GPC6: variants seen among roughly 807,000 people sequenced by gnomAD.
GPC6 encodes glypican 6, also known as glypican-6.
In GPC6, 14 loss-of-function variants were observed where a neutral mutation model predicts 55.2. The ratio of observed to expected loss-of-function variants is 0.25; its 90% CI spans 0.17 to 0.40. The LOEUF is 0.40. Among genes scored for constraint, GPC6 ranks in the 10% least tolerant of loss-of-function variants. The pLI is 1.00. For missense variants in GPC6, 641 were observed against 708.5 expected (o/e 0.90, Z 1.08); for synonymous variants, 278 against 259.6 (o/e 1.07, Z -0.68).
chr13:94,308,406 T>C (rs922567344), intron 6 of GPC6, among the ~76,000 whole-genome samples: 4 of 152,144 alleles, frequency 2.6e-5, no homozygotes, highest in Non-Finnish European at 5.9e-5. Flanking sequence ...GCTATAAAGG[T>C]CTCGAGAGTA....
At chr13:94,212,428 C>T (rs1890107130) in intron 4 of GPC6, among the ~76,000 whole-genome samples, 1 of 151,978 alleles carries the variant, frequency 6.6e-6, no homozygotes, top group Non-Finnish European at 1.5e-5. Context: ...TATTACATAC[C>T]ACATACAAAT....
At chr13:93,640,915 T>TG (rs1305403118) in intron 2 of GPC6, among the ~76,000 whole-genome samples, 3 of 151,238 alleles carry the variant, frequency 2.0e-5, no homozygotes, top group African/African-American at 7.3e-5. Context: ...TTCCTTTTTT[T>TG]CTCTTTCCGT....
At chr13:94,043,213 A>G (rs560636085) in intron 4 of GPC6, among the ~76,000 whole-genome samples, 1 of 151,976 alleles carries the variant, frequency 6.6e-6, no homozygotes, top group Admixed American at 6.6e-5. Flanking sequence ...GGAGAATGGT[A>G]TTAGAAACCA....
chr13:94,094,240 C>T (rs1272528944), intron 4 of GPC6, among the ~76,000 whole-genome samples: 1 of 152,036 alleles, frequency 6.6e-6, no homozygotes, highest in Non-Finnish European at 1.5e-5. Flanking sequence ...ACAGCTTTAA[C>T]AGGCTGTACA....
chr13:93,865,202 T>C (rs540553624), intron 3 of GPC6, among the ~76,000 whole-genome samples: 2 of 151,598 alleles, frequency 1.3e-5, no homozygotes, highest in Non-Finnish European at 3.0e-5. Flanking sequence ...TCCTCTCCAG[T>C]TGGAAGATAA....
At chr13:93,609,097 C>G (rs756432519) in intron 2 of GPC6, among the ~76,000 whole-genome samples, 9 of 152,216 alleles carry the variant, frequency 5.9e-5, no homozygotes, top group Non-Finnish European at 1.3e-4. Context: ...TTCAACCCCA[C>G]TCCCATCCAA....
At chr13:93,801,617 A>G (rs1886372651) in intron 2 of GPC6, among the ~76,000 whole-genome samples, 1 of 152,150 alleles carries the variant, frequency 6.6e-6, no homozygotes, top group Non-Finnish European at 1.5e-5. Context: ...TTTCCTCAGA[A>G]GAGAGAGTTT....
intron 3 of GPC6, among the ~76,000 whole-genome samples, chr13:94,008,143 C>G (rs1167302689): frequency 2.6e-5 from 4 of 152,264 alleles, no homozygotes; most frequent in Admixed American, 2.6e-4. Flanking sequence ...ATTTTCACAT[C>G]TCTCACACAT....
rs369844092 is a variant in GPC6 at position 93,544,256 on chromosome 13, G to A, written c.161-1007G>A. On this transcript the variant is annotated intron_variant, in intron 1 of 8. Transcript: ENST00000377047. ...TAGGAGCTTAAGCATTAAACTACAC[G>A]AAGAATCATGAGACAACCTATACTT... is the stretch of plus-strand genomic sequence containing the variant. 1.4e-4 allele frequency among the ~76,000 whole-genome samples: 22 copies of A among 152,148 alleles called. No individual in the cohort carries two copies. In the South Asian group the frequency reaches 3.9e-3, roughly 27 times the overall value.
chr13:93,415,215 G>A (rs1306125995), intron 1 of GPC6, among the ~76,000 whole-genome samples: 1 of 152,066 alleles, frequency 6.6e-6, no homozygotes, highest in Non-Finnish European at 1.5e-5. Context: ...TTGTTCTGAG[G>A]ATTGCGGAAG....
In GPC6 at chr13:93,884,913, T is replaced by C. The variant is rs772456423; in HGVS notation, c.711+54368T>C. On this transcript the variant is annotated intron_variant, in intron 3 of 8. Coordinates refer to ENST00000377047, the MANE Select transcript of GPC6 (RefSeq NM_005708.5). ...TTTTAGTGAAAAATTCTAGAATATT[T>C]TGCTGCTTTCCATACCTTATCACTC... 1.4e-3 allele frequency among the ~76,000 whole-genome samples: 220 copies of C among 152,066 alleles called. 1 individual carries two copies. The highest frequency in any genetic ancestry group is 1.9e-3 in the Non-Finnish European group (132 of 67,992).
chr13:93,339,614 G>A (rs905950964), intron 1 of GPC6, among the ~76,000 whole-genome samples: 1 of 152,180 alleles, frequency 6.6e-6, no homozygotes, highest in African/African-American at 2.4e-5. Context: ...GTAAGGGGTG[G>A]AATGAATTTT....
At chr13:93,319,222 G>C (rs1242321942) in intron 1 of GPC6, among the ~76,000 whole-genome samples, 2 of 152,094 alleles carry the variant, frequency 1.3e-5, no homozygotes, top group Admixed American at 1.3e-4. Flanking sequence ...GAAACCCTTT[G>C]GTTGACAAGC....
chr13:93,321,746 G>A lies in GPC6; in HGVS notation c.160+94130G>A, dbSNP rs868752534. ...TAAATAAAAGAAGTTGCATCACTAA[G>A]GCACTGCCCCAAATGCTCCATATCT... On this transcript the variant is annotated intron_variant, in intron 1 of 8. Transcript: ENST00000377047. Among the ~76,000 whole-genome samples, 114 of 152,204 alleles carry A rather than the reference G, an allele frequency of 7.5e-4. 1 individual carries two copies. Among genetic ancestry groups the A allele is most frequent in the African/African-American group, 2.7e-3 (111 of 41,516 alleles).
intron 1 of GPC6, among the ~76,000 whole-genome samples, chr13:93,233,354 A>AAAT (rs1555336290): frequency 1.9e-3 from 293 of 151,434 alleles, no homozygotes; most frequent in African/African-American, 6.1e-3. Flanking sequence ...CAAAAAAAAA[A>AAAT]AAATCAAAAT....
rs150543469 is a variant in GPC6, at chr13:93,555,614, C to T, written c.319+10193C>T. Among the ~76,000 whole-genome samples, 31 of 152,216 alleles carry T rather than the reference C, an allele frequency of 2.0e-4. No individual in the cohort carries two copies. In the East Asian group the frequency reaches 3.7e-3, roughly 18 times the overall value. ...TTAATGGAACTAATTTTAAATTCCCCGGACAAAGAGTGCCTTTACTTAGAG... is the reference window on the plus strand; with the variant it reads ...TTAATGGAACTAATTTTAAATTCCCTGGACAAAGAGTGCCTTTACTTAGAG... On this transcript the variant is annotated intron_variant, in intron 2 of 8. Coordinates refer to ENST00000377047, the MANE Select transcript of GPC6 (RefSeq NM_005708.5).
intron 2 of GPC6, among the ~76,000 whole-genome samples, chr13:93,663,195 AT>A (rs548084189): frequency 3.5e-4 from 53 of 152,072 alleles, no homozygotes; most frequent in East Asian, 2.1e-3. Flanking sequence ...ACTTATTATA[AT>A]TTTTTTTCCT....
intron 4 of GPC6, among the ~76,000 whole-genome samples, chr13:94,279,078 G>A (rs938069848): frequency 2.0e-5 from 3 of 151,906 alleles, no homozygotes; most frequent in African/African-American, 7.3e-5. Context: ...GGCTTTTTTT[G>A]GTTGGTAGGC....
chr13:93,939,397 G>A (rs996298642), intron 3 of GPC6, among the ~76,000 whole-genome samples: 10 of 150,244 alleles, frequency 6.7e-5, no homozygotes, highest in African/African-American at 2.4e-4. Context: ...CAGCCTGGGC[G>A]ACAGAGCAAG....
Sources: gnomAD v4.1 joint callset for allele counts (sites outside exome capture counted in the v4.1 genomes callset) on GRCh38, gnomAD v4.1.1 for gene constraint, MANE v1.5 for transcripts, NCBI Gene and HGNC (gene_info 2026-07-23, HGNC 2026-07-21) for gene names.